TRPM1: variants seen among roughly 807,000 people sequenced by gnomAD.
TRPM1 encodes transient receptor potential cation channel subfamily M member 1.
TRPM1 carries 113 observed loss-of-function variants against 149.4 expected under a neutral mutation model. That is an observed-to-expected ratio of 0.76 (90% confidence interval 0.65 to 0.88). The LOEUF is 0.88. Ranked by LOEUF, TRPM1 falls within the 40% of genes least tolerant of loss-of-function variation. The pLI is 0.00. For synonymous variants in TRPM1, 741 were observed against 759.5 expected (o/e 0.98, Z 0.40); for missense variants, 1,976 against 2,038.7 (o/e 0.97, Z 0.59).
Position 31,067,161 on chromosome 15 carries a change from A to C in TRPM1, c.520T>G (p.Leu174Val). ...CTGGACTTGGAGGAGTGGTCTTTCA[A>C]GGCATCCCCTACGTGGCTGATAACA... ...TGVISHVGDA[L>V]KDHSSKSRGR... Residue 174 changes from leucine to valine, a missense_variant, in exon 6 of 28, where the codon TTG (leucine) becomes GTG (valine). Transcript: ENST00000256552. 1 of 1,614,134 alleles carries C rather than the reference A, an allele frequency of 6.2e-7. No individual in the cohort carries two copies. The highest frequency in any genetic ancestry group is 8.5e-7 in the Non-Finnish European group (1 of 1,180,026).
intron 1 of TRPM1, among the ~76,000 whole-genome samples, chr15:31,118,680 C>A (rs1170272112): frequency 6.6e-6 from 1 of 152,178 alleles, no homozygotes; most frequent in East Asian, 1.9e-4. Context: ...CAACTTCTCA[C>A]TTGATCTTAC....
chr15:31,076,843 A>T, intron 3 of TRPM1, 62 bp downstream of exon 3: 1 of 1,308,306 alleles, frequency 7.6e-7, no homozygotes, highest in Non-Finnish European at 1.1e-6. Context: ...TCTTACAAAC[A>T]TGAGAATAGT....
At chr15:31,071,400 C>T (rs1017608939) in intron 3 of TRPM1, among the ~76,000 whole-genome samples, 2 of 151,648 alleles carry the variant, frequency 1.3e-5, no homozygotes, top group African/African-American at 2.4e-5. Flanking sequence ...GCTAGATGTG[C>T]GAATGCGTGC....
chr15:31,021,543 A>C (rs2032550985), intron 27 of TRPM1, among the ~76,000 whole-genome samples: 1 of 152,056 alleles, frequency 6.6e-6, no homozygotes, highest in Non-Finnish European at 1.5e-5. Flanking sequence ...AAAATATGCA[A>C]AAATTAGCTG....
In TRPM1 at chr15:31,002,393, G is replaced by A. The variant is rs776260617; in HGVS notation, c.4307C>T (p.Pro1436Leu). 2.5e-6 allele frequency: 4 copies of A among 1,614,210 alleles called. No homozygotes were observed. In the South Asian group the frequency reaches 3.3e-5, roughly 13 times the overall value. The change falls in exon 28 of 28, where the codon CCC (proline) becomes CTC (leucine). Residue 1436 changes from proline (P) to leucine (L), a missense_variant. Physicochemically the swap from Pro to Leu is moderately conservative, Grantham distance 98 (BLOSUM62 -3). This residue lies in a region of TRPM1 where 572 missense variants were observed against 578.9 expected (regional missense o/e 0.99). Coordinates refer to ENST00000256552, the MANE Select transcript of TRPM1 (RefSeq NM_001252024.2). ...TTNIEGTISY[P>L]LEETKITRYF... ...GCGTGTAATTTTGGTTTCTTCCAGGGGATAGGAAATAGTGCCTTCTATATT... is the reference window on the plus strand; with the variant it reads ...GCGTGTAATTTTGGTTTCTTCCAGGAGATAGGAAATAGTGCCTTCTATATT...
Position 31,081,411 on chromosome 15 carries a change from T to G in TRPM1, c.-56A>C, listed in dbSNP as rs1325738159. 3 of 1,534,722 alleles carry G rather than the reference T, an allele frequency of 2.0e-6. No individual in the cohort carries two copies. Among genetic ancestry groups the G allele is most frequent in the African/African-American group, 1.4e-5 (1 of 73,008 alleles). On this transcript the variant is annotated 5_prime_UTR_variant, in exon 2 of 28. Coordinates refer to ENST00000256552, the MANE Select transcript of TRPM1 (RefSeq NM_001252024.2). ...GCCTCAGTCCAGCACTGCAAGTTAC[T>G]GCTGAGTCCTCAGAAATCTTCTAGA...
Position 31,060,688 on chromosome 15 carries a change from G to C in TRPM1, c.1163-44C>G, listed in dbSNP as rs567273591. 1.9e-6 allele frequency: 3 copies of C among 1,540,214 alleles called. No homozygotes were observed. The Admixed American group carries it at 5.2e-5, about 27-fold the overall frequency. On this transcript the variant is annotated intron_variant, in intron 10 of 27. Coordinates refer to ENST00000256552, the MANE Select transcript of TRPM1 (RefSeq NM_001252024.2). ...GGAATGATTTTTCACTCCACGCCTGGACCGCCAGGGTTTGGCAGGTGCTGG... is the reference window on the plus strand; with the variant it reads ...GGAATGATTTTTCACTCCACGCCTGCACCGCCAGGGTTTGGCAGGTGCTGG...
intron 27 of TRPM1, among the ~76,000 whole-genome samples, chr15:31,003,336 C>A (rs1002948187): frequency 6.6e-6 from 1 of 152,198 alleles, no homozygotes; most frequent in African/African-American, 2.4e-5. Context: ...CTAACAGGTA[C>A]TTACTGAGGT....
At chr15:31,103,906 T>C (rs2035562638), upstream of TRPM1, among the ~76,000 whole-genome samples, 1 of 151,762 alleles carries the variant, frequency 6.6e-6, no homozygotes, top group Admixed American at 6.6e-5. Context: ...ATGGCTCACC[T>C]TGTATTTCTG....
At chr15:31,157,732 G>A (rs2036395413) in intron 1 of TRPM1, among the ~76,000 whole-genome samples, 1 of 152,118 alleles carries the variant, frequency 6.6e-6, no homozygotes, top group East Asian at 1.9e-4. Context: ...ATTCCACGCT[G>A]TGCACCCCAG....
At chr15:31,128,699 G>T (rs755533477) in intron 1 of TRPM1, among the ~76,000 whole-genome samples, 2 of 152,224 alleles carry the variant, frequency 1.3e-5, no homozygotes, top group African/African-American at 2.4e-5. Flanking sequence ...TACCACTCCA[G>T]ACAGGCTCTC....
intron 1 of TRPM1, among the ~76,000 whole-genome samples, chr15:31,152,962 C>T (rs1224591323): frequency 2.0e-5 from 3 of 152,160 alleles, no homozygotes; most frequent in Admixed American, 6.5e-5. Flanking sequence ...GATCTCAAGG[C>T]CTTTGTAGCA....
intron 18 of TRPM1, among the ~76,000 whole-genome samples, chr15:31,039,139 T>C: frequency 6.6e-6 from 1 of 152,134 alleles, no homozygotes; most frequent in East Asian, 1.9e-4. Context: ...TAGAAAATAT[T>C]CCAGGCTCCA....
chr15:31,099,157 C>T (rs1273142644), intron 1 of TRPM1, among the ~76,000 whole-genome samples: 2 of 152,174 alleles, frequency 1.3e-5, no homozygotes, highest in African/African-American at 4.8e-5. Context: ...AATTCCTTCA[C>T]CCATGGCTGA....
intron 1 of TRPM1, among the ~76,000 whole-genome samples, chr15:31,085,578 C>T (rs750651665): frequency 3.9e-5 from 6 of 152,150 alleles, no homozygotes; most frequent in Admixed American, 6.5e-5. Context: ...ATAGTCCAAT[C>T]GCATGTGTTG....
chr15:31,152,474 T>G (rs1323596744), intron 1 of TRPM1, among the ~76,000 whole-genome samples: 1 of 152,120 alleles, frequency 6.6e-6, no homozygotes, highest in African/African-American at 2.4e-5. Context: ...AACAAAATTC[T>G]AAGCACCCCC....
chr15:31,151,015 AT>A (rs2036295904), intron 1 of TRPM1, among the ~76,000 whole-genome samples: 1 of 152,136 alleles, frequency 6.6e-6, no homozygotes, highest in Non-Finnish European at 1.5e-5. Context: ...CCCAGCCCAC[AT>A]TGGTTTCTTG....
At chr15:31,101,742 C>T (rs6493454), upstream of TRPM1, 578,940 of 983,852 alleles carry the variant, frequency 0.59, 171,591 homozygotes, top group East Asian at 0.95. Context: ...GTGAGGAGGG[C>T]CCACCCTTTA....
intron 11 of TRPM1, among the ~76,000 whole-genome samples, chr15:31,054,456 G>A (rs1277910738): frequency 4.0e-5 from 6 of 151,888 alleles, no homozygotes; most frequent in African/African-American, 7.3e-5. Context: ...CATCACACCC[G>A]GGTAATTTTT....
Sources: allele counts gnomAD v4.1 joint callset (sites outside exome capture counted in the v4.1 genomes callset), GRCh38; gene constraint gnomAD v4.1.1; regional missense constraint gnomAD v4.1.1; transcripts MANE v1.5; gene names NCBI Gene and HGNC (gene_info 2026-07-23, HGNC 2026-07-21).